ABCG8: variants seen among roughly 807,000 people sequenced by gnomAD.
The protein encoded by ABCG8 is ATP binding cassette subfamily G member 8.
ABCG8 carries 81 observed loss-of-function variants against 71.3 expected under a neutral mutation model. That is an observed-to-expected ratio of 1.14 (90% CI 0.95 to 1.37). The LOEUF is 1.37. ABCG8 is among the 40% of genes most tolerant of loss of function. The pLI is 0.00. For missense variants in ABCG8, 1,119 were observed against 866.2 expected (o/e 1.29, Z -3.66); for synonymous variants, 451 against 354.7 (o/e 1.27, Z -3.05).
In ABCG8 at chr2:43,881,251, G is replaced by C. The variant is rs540842452; in HGVS notation, c.*3338G>C. On this transcript the variant is annotated 3_prime_UTR_variant, in exon 13 of 13. Coordinates refer to ENST00000272286, the MANE Select transcript of ABCG8 (RefSeq NM_022437.3). ...CAGGAGGGATGGAGAAAATATAGCAGCTGCCATTTATTTGTGTTTTTCCTA... is the reference window on the plus strand; with the variant it reads ...CAGGAGGGATGGAGAAAATATAGCACCTGCCATTTATTTGTGTTTTTCCTA... 1.3e-5 allele frequency: 2 copies of C among 152,266 alleles called. No individual in the cohort carries two copies. The highest frequency in any genetic ancestry group is 4.8e-5 in the African/African-American group (2 of 41,468). The allele number at this position is 152,266 out of a possible 1,614,324, so 9.4% of individuals were successfully genotyped here.
chr2:43,874,510 G>GCCCC lies in ABCG8; in HGVS notation c.1488+30_1488+33dup, dbSNP rs3841852. ...TGACTGGGCAGGGTTGAGAGCAAGT[G>GCCCC]CCCCCCACCCACCAGGGTGGGGGTA... On this transcript the variant is annotated intron_variant, in intron 10 of 12. Transcript: ENST00000272286. The GCCCC allele has an allele frequency of 1.2e-3, 1,878 of 1,538,498 alleles. 21 individuals are homozygous for GCCCC. The South Asian group carries it at 0.014, about 12-fold the overall frequency.
intron 2 of ABCG8, among the ~76,000 whole-genome samples, chr2:43,845,121 A>ATAAT (rs1553376737): frequency 2.5e-3 from 330 of 133,046 alleles, no homozygotes; most frequent in Middle Eastern, 3.8e-3. Context: ...TATATATATA[A>ATAAT]TTTTTTTTTT....
intron 6 of ABCG8, among the ~76,000 whole-genome samples, chr2:43,854,050 A>G (rs1354183146): frequency 1.3e-5 from 2 of 152,262 alleles, no homozygotes; most frequent in African/African-American, 4.8e-5. Flanking sequence ...CGACCTGGCC[A>G]TCGGGGAATA....
At chr2:43,860,553 G>T (rs367752372) in intron 6 of ABCG8, among the ~76,000 whole-genome samples, 12 of 150,212 alleles carry the variant, frequency 8.0e-5, no homozygotes, top group African/African-American at 2.9e-4. Context: ...CTCGATTGAA[G>T]TCTCACTATC....
intron 3 of ABCG8, chr2:43,846,579 A>G (rs1668750115): frequency 2.1e-6 from 1 of 473,866 alleles, no homozygotes; most frequent in Non-Finnish European, 3.9e-6. Flanking sequence ...GACTTTGGCT[A>G]ACACCTGGAC....
intron 6 of ABCG8, among the ~76,000 whole-genome samples, chr2:43,861,271 A>G (rs1669307471): frequency 1.3e-5 from 2 of 150,774 alleles, no homozygotes; most frequent in Admixed American, 6.6e-5. Context: ...ACTACTTGGA[A>G]AGAATGCTCA....
At chr2:43,877,367 G>C (rs368763922) in intron 11 of ABCG8, among the ~76,000 whole-genome samples, 194 bp from the exon 12 acceptor site, 1 of 150,340 alleles carries the variant, frequency 6.7e-6, no homozygotes, top group Non-Finnish European at 1.5e-5. Flanking sequence ...GAGATCGTGC[G>C]AATATGGGGA....
At chr2:43,851,452 C>T in intron 3 of ABCG8, 132 bp from the exon 4 acceptor site, 3 of 1,017,722 alleles carry the variant, frequency 2.9e-6, no homozygotes, top group East Asian at 5.1e-5. Flanking sequence ...GACTATGCCA[C>T]CTCTCTAGGG....
At chr2:43,871,690 T>C (rs1196846606) in intron 6 of ABCG8, among the ~76,000 whole-genome samples, 5 of 152,204 alleles carry the variant, frequency 3.3e-5, no homozygotes, top group Admixed American at 2.6e-4. Context: ...TGAGCCTGGG[T>C]AGTGGGACTT....
intron 1 of ABCG8, among the ~76,000 whole-genome samples, chr2:43,842,972 G>A (rs1440441380): frequency 6.6e-6 from 1 of 152,094 alleles, no homozygotes; most frequent in Non-Finnish European, 1.5e-5. Context: ...AGAACTTCTG[G>A]CCCCCATCAT....
chr2:43,839,683 A>G (rs1006077728), intron 1 of ABCG8, among the ~76,000 whole-genome samples: 2 of 151,668 alleles, frequency 1.3e-5, no homozygotes, highest in Non-Finnish European at 2.9e-5. Flanking sequence ...CGGCCTCCCA[A>G]AGTGCTGGGA....
intron 6 of ABCG8, among the ~76,000 whole-genome samples, chr2:43,859,470 G>T (rs893122424): frequency 8.0e-5 from 12 of 150,858 alleles, no homozygotes; most frequent in African/African-American, 2.9e-4. Context: ...TATCTGGATA[G>T]AATTCTCACT....
rs1308442736 is a variant in ABCG8 at position 43,851,652 on chromosome 2, C to G, written c.391C>G (p.Gln131Glu). The G allele has an allele frequency of 1.9e-6, 3 of 1,614,098 alleles. No homozygotes were observed. Among genetic ancestry groups the G allele is most frequent in the African/African-American group, 1.3e-5 (1 of 74,936 alleles). ...TCACGGCGGCAAGATCAAGTCAGGC[C>G]AGATCTGGATCAATGGGCAGCCCAG... The part of the protein sequence containing the change: ...RGHGGKIKSG[Q>E]IWINGQPSSP... Residue 131 changes from glutamine (Q) to glutamate (E), a missense_variant, in exon 4 of 13, where the codon CAG (glutamine) becomes GAG (glutamate). Physicochemically the swap from Gln to Glu is conservative, Grantham distance 29. Transcript: ENST00000272286.
Position 43,872,038 on chromosome 2 carries a change from C to T in ABCG8, c.1027C>T (p.Gln343Ter). 1.9e-6 allele frequency: 3 copies of T among 1,614,094 alleles called. No individual in the cohort carries two copies. Among genetic ancestry groups the T allele is most frequent in the Non-Finnish European group, 2.5e-6 (3 of 1,180,044 alleles). Reference protein sequence around the residue: ...EQELATREKAQSLAALFLEKV... With the variant: ...EQELATREKA ...GGAATTGGCCACCAGGGAGAAGGCT[C>T]AGTCACTCGCAGCCCTGTTTCTAGA... Residue 343 changes from glutamine (Q) to a stop codon, truncating the protein, a stop_gained, in exon 7 of 13, where the codon CAG becomes TAG. Coordinates refer to ENST00000272286, the MANE Select transcript of ABCG8 (RefSeq NM_022437.3). LOFTEE classifies it high-confidence loss of function.
chr2:43,859,706 T>C (rs1041702729), intron 6 of ABCG8, among the ~76,000 whole-genome samples: 3 of 151,444 alleles, frequency 2.0e-5, no homozygotes, highest in African/African-American at 7.3e-5. Context: ...GATAGAACTC[T>C]CACTATCTAT....
intron 8 of ABCG8, among the ~76,000 whole-genome samples, chr2:43,873,257 T>C (rs1242940003): frequency 4.6e-5 from 7 of 151,742 alleles, no homozygotes; most frequent in Non-Finnish European, 8.8e-5. Context: ...AGGGCAATCT[T>C]GGCTCACTGC....
rs574027895 is a variant in ABCG8, at chr2:43,879,335, T to C, written c.*1422T>C. On this transcript the variant is annotated 3_prime_UTR_variant, in exon 13 of 13. Coordinates refer to ENST00000272286, the MANE Select transcript of ABCG8 (RefSeq NM_022437.3). ...GCGTGTTTGGGAGGTAAATAGCAAA[T>C]ACTCTTCATAGGTTCACTAGAGTCT... The C allele has an allele frequency of 6.6e-6, 1 of 152,322 alleles. No individual in the cohort carries two copies. Among genetic ancestry groups the C allele is most frequent in the Admixed American group, 6.5e-5 (1 of 15,284 alleles). 9.4% of individuals were successfully genotyped at this position (152,322 alleles called of 1,614,324 possible). A position where few individuals can be genotyped will look rare whatever the true frequency, so the allele number is the denominator to read the frequency against.
Position 43,877,693 on chromosome 2 carries a change from G to A in ABCG8, c.1884+5G>A. ...ATCGCGGTCTCAGGAGATAAAGTAA[G>A]CGGGGAAGGCCTCGGGTTCTAAATT... is the stretch of plus-strand genomic sequence containing the variant. On this transcript the variant is annotated splice_donor_5th_base_variant and intron_variant, in intron 12 of 12. Coordinates refer to ENST00000272286, the MANE Select transcript of ABCG8 (RefSeq NM_022437.3). The A allele has an allele frequency of 1.9e-6, 3 of 1,614,088 alleles. No homozygotes were observed. The highest frequency in any genetic ancestry group is 1.7e-6 in the Non-Finnish European group (2 of 1,180,004).
In ABCG8 at chr2:43,882,405, C is replaced by G. The variant is rs151297866; in HGVS notation, c.*4492C>G. ...TACAGACCACTTTCCTTTGGCCCAA[C>G]CGGCCTTGGGGTCTGGAGCACCAAA... is the stretch of plus-strand genomic sequence containing the variant. On this transcript the variant is annotated 3_prime_UTR_variant, in exon 13 of 13. Coordinates refer to ENST00000272286, the MANE Select transcript of ABCG8 (RefSeq NM_022437.3). 8 of 152,340 alleles carry G rather than the reference C, an allele frequency of 5.3e-5. No homozygotes were observed. The East Asian group carries it at 1.5e-3, about 29-fold the overall frequency. The allele number at this position is 152,340 out of a possible 1,614,324, so 9.4% of individuals were successfully genotyped here.
Sources: allele counts gnomAD v4.1 joint callset (sites outside exome capture counted in the v4.1 genomes callset), GRCh38; gene constraint gnomAD v4.1.1; transcripts MANE v1.5; gene names NCBI Gene and HGNC (gene_info 2026-07-23, HGNC 2026-07-21).